The following TFEC variants were observed in gnomAD, a reference collection of about 807,000 sequenced individuals.
TFEC encodes transcription factor EC, also known as class E basic helix-loop-helix protein 34.
TFEC carries 31 observed loss-of-function variants against 41.6 expected under a neutral mutation model. The observed-to-expected ratio is 0.74, with a 90% confidence interval of 0.56 to 1.01. The LOEUF (loss-of-function observed/expected upper bound fraction) is 1.01, where lower values mean the gene tolerates loss of function less well. TFEC is among the 50% of genes least tolerant of loss of function. TFEC has a pLI of 0.00. For synonymous variants in TFEC, 143 were observed against 140.6 expected, an observed-to-expected ratio of 1.02 and a Z score of -0.12; for missense variants, 402 against 404.1, an observed-to-expected ratio of 0.99 and a Z score of 0.04.
At chr7:116,043,053 TG>T (rs1280996588) in intron 3 of TFEC, among the ~76,000 whole-genome samples, 3 of 152,142 alleles carry the variant, frequency 2.0e-5, no homozygotes, top group Non-Finnish European at 4.4e-5. Flanking sequence ...ACAGGTTTTT[TG>T]GGAGTAGAAA....
chr7:115,953,906 C>T (rs13246831), intron 5 of TFEC, among the ~76,000 whole-genome samples: 21,422 of 152,018 alleles, frequency 0.14, 2,046 homozygotes, highest in Non-Finnish European at 0.21. Flanking sequence ...TAATTTCATT[C>T]TACTCTGTTC....
intron 3 of TFEC, among the ~76,000 whole-genome samples, chr7:116,049,322 T>C (rs1003577630): frequency 6.6e-6 from 1 of 150,902 alleles, no homozygotes; most frequent in Non-Finnish European, 1.5e-5. Flanking sequence ...AAAACAGGGG[T>C]TGCAATCCTA....
chr7:116,062,126 T>C (rs985370322), intron 3 of TFEC, among the ~76,000 whole-genome samples: 1 of 151,220 alleles, frequency 6.6e-6, no homozygotes, highest in African/African-American at 2.4e-5. Flanking sequence ...AGTGGTGTGA[T>C]CTTGGCTCAC....
intron 1 of TFEC, among the ~76,000 whole-genome samples, chr7:116,001,529 A>AT (rs1794596384): frequency 6.6e-6 from 1 of 151,702 alleles, no homozygotes; most frequent in Non-Finnish European, 1.5e-5. Flanking sequence ...AACAAAAAAA[A>AT]CACAAAAACA....
At chr7:115,983,358 T>A (rs1191142977) in intron 2 of TFEC, among the ~76,000 whole-genome samples, 1 of 152,100 alleles carries the variant, frequency 6.6e-6, no homozygotes, top group Non-Finnish European at 1.5e-5. Flanking sequence ...TTCTCTATCA[T>A]TTGGAATTTA....
At chr7:116,134,464 C>A (rs1375106849) in intron 1 of TFEC, among the ~76,000 whole-genome samples, 1 of 152,138 alleles carries the variant, frequency 6.6e-6, no homozygotes, top group East Asian at 1.9e-4. Flanking sequence ...TTACTATGCA[C>A]AGAAATGACC....
chr7:115,940,707 A>C lies in TFEC; in HGVS notation c.888T>G (p.Ala296=). Residue 296 remains alanine (A), a synonymous_variant, in exon 8 of 8, where the codon GCT becomes GCG. Transcript: ENST00000265440. ...LSYFTDLSFS[A]ALKEEQRLDG... is the part of the protein sequence containing the mutation. The stretch of plus-strand genomic sequence containing the variant: ...CCAATCTTTGTTCCTCTTTCAATGC[A>C]GCACTAAATGATAAATCTGTGAAGT... The C allele has an allele frequency of 1.2e-6, 2 of 1,613,624 alleles. No individual in the cohort carries two copies. Among genetic ancestry groups the C allele is most frequent in the Non-Finnish European group, 1.7e-6 (2 of 1,179,654 alleles).
At chr7:116,012,267 C>T (rs541838362) in intron 1 of TFEC, among the ~76,000 whole-genome samples, 3 of 152,166 alleles carry the variant, frequency 2.0e-5, no homozygotes, top group South Asian at 4.2e-4. Flanking sequence ...ATTAAGAAGG[C>T]TTTTATAAAG....
chr7:116,002,920 T>C (rs897286347), intron 1 of TFEC, among the ~76,000 whole-genome samples: 1 of 152,158 alleles, frequency 6.6e-6, no homozygotes, highest in African/African-American at 2.4e-5. Flanking sequence ...ATAACTGATA[T>C]GTTAAGAAAG....
intron 1 of TFEC, among the ~76,000 whole-genome samples, chr7:116,011,475 A>G (rs1319086309): frequency 6.6e-6 from 1 of 152,154 alleles, no homozygotes; most frequent in South Asian, 2.1e-4. Context: ...AAAAATTAAA[A>G]TTCAAATTGA....
chr7:116,060,745 G>T (rs566053006), intron 3 of TFEC, among the ~76,000 whole-genome samples: 1 of 152,064 alleles, frequency 6.6e-6, no homozygotes, highest in African/African-American at 2.4e-5. Flanking sequence ...GAGCAGAAAA[G>T]ATAACTATTG....
intron 3 of TFEC, among the ~76,000 whole-genome samples, chr7:116,081,526 T>C (rs1797090109): frequency 1.3e-5 from 2 of 151,994 alleles, no homozygotes; most frequent in African/African-American, 4.8e-5. Context: ...TAGGTCATGG[T>C]TTATTGTGTA....
chr7:116,146,586 T>C (rs10257439), intron 1 of TFEC, among the ~76,000 whole-genome samples: 1 of 152,196 alleles, frequency 6.6e-6, no homozygotes, highest in Non-Finnish European at 1.5e-5. Context: ...CCAGGGTTGG[T>C]AGGATACACA....
At chr7:115,979,143 G>A (rs1054469215) in intron 2 of TFEC, among the ~76,000 whole-genome samples, 11 of 152,062 alleles carry the variant, frequency 7.2e-5, no homozygotes, top group Non-Finnish European at 1.2e-4. Context: ...CCCTATCCCT[G>A]ACTCCAGACT....
intron 3 of TFEC, among the ~76,000 whole-genome samples, chr7:116,078,355 T>C (rs1001254169): frequency 2.6e-5 from 4 of 151,310 alleles, no homozygotes; most frequent in Non-Finnish European, 3.0e-5. Flanking sequence ...CTAAATGAAA[T>C]TGAAACAAAC....
At chr7:116,110,776 G>A in exon 3 of TFEC, 6 of 1,546,794 alleles carry the variant, frequency 3.9e-6, no homozygotes, top group Non-Finnish European at 4.4e-6. Flanking sequence ...TGCAACACTG[G>A]TTTGTATGAA....
intron 1 of TFEC, among the ~76,000 whole-genome samples, chr7:116,156,924 C>T (rs1798881222): frequency 6.6e-6 from 1 of 152,138 alleles, no homozygotes; most frequent in Admixed American, 6.6e-5. Flanking sequence ...GAAGGCTTAG[C>T]TTAAGTTGAC....
chr7:116,146,442 G>A (rs1173426758), intron 1 of TFEC, among the ~76,000 whole-genome samples: 7 of 152,264 alleles, frequency 4.6e-5, no homozygotes, highest in African/African-American at 1.7e-4. Context: ...CTGAGTGGAG[G>A]GCAGAAAGAG....
At chr7:116,049,534 A>T (rs1271398459) in intron 3 of TFEC, among the ~76,000 whole-genome samples, 2 of 152,174 alleles carry the variant, frequency 1.3e-5, no homozygotes, top group Admixed American at 6.5e-5. Context: ...ATAATGGGAG[A>T]CTTCAACACC....
Sources: allele counts gnomAD v4.1 joint callset (sites outside exome capture counted in the v4.1 genomes callset), GRCh38; gene constraint gnomAD v4.1.1; transcripts MANE v1.5; gene names NCBI Gene and HGNC (gene_info 2026-07-23, HGNC 2026-07-21).